GABBR2: variants seen among roughly 807,000 people sequenced by gnomAD.
GABBR2 encodes G-protein coupled receptor 51.
Under a neutral mutation model 105.6 loss-of-function variants are expected in GABBR2, and 23 were observed. That is an observed-to-expected ratio of 0.22 (90% CI 0.16 to 0.31). The LOEUF is 0.31. Among genes scored for constraint, GABBR2 ranks in the 10% least tolerant of loss-of-function variants. The probability of loss-of-function intolerance (pLI) is 1.00; values close to 1 mark genes in which losing one functional copy is unlikely to be tolerated. For synonymous variants in GABBR2, 478 were observed against 499.7 expected (o/e 0.96, Z 0.58); for missense variants, 734 against 1,245.5 (o/e 0.59, Z 6.18).
chr9:98,396,435 C>G (rs1277496974), intron 8 of GABBR2, among the ~76,000 whole-genome samples: 1 of 152,222 alleles, frequency 6.6e-6, no homozygotes, highest in African/African-American at 2.4e-5. Context: ...ATCCCCTGGG[C>G]CACACTTCTG....
At chr9:98,683,717 A>T (rs1830580260) in intron 1 of GABBR2, among the ~76,000 whole-genome samples, 1 of 152,004 alleles carries the variant, frequency 6.6e-6, no homozygotes, top group African/African-American at 2.4e-5. Flanking sequence ...CGACAACAGA[A>T]AATTAATCCA....
chr9:98,448,865 C>T (rs1381260962), intron 7 of GABBR2, among the ~76,000 whole-genome samples: 9 of 151,702 alleles, frequency 5.9e-5, no homozygotes, highest in Admixed American at 5.9e-4. Context: ...ATTTGTCGAC[C>T]TTGAGATCTG....
chr9:98,325,283 CTTTTT>C (rs886288539), intron 13 of GABBR2, among the ~76,000 whole-genome samples: 2 of 67,618 alleles, frequency 3.0e-5, no homozygotes, highest in African/African-American at 6.3e-5. Flanking sequence ...GACAGCAATT[CTTTTT>C]TTTTTTTTTT....
intron 1 of GABBR2, among the ~76,000 whole-genome samples, chr9:98,624,810 C>T (rs772559150): frequency 2.6e-5 from 4 of 152,080 alleles, no homozygotes; most frequent in Non-Finnish European, 5.9e-5. Context: ...GTAGGAGCCC[C>T]GAGCCCGGGG....
At chr9:98,310,574 A>C (rs1441907592) in intron 14 of GABBR2, among the ~76,000 whole-genome samples, 2 of 152,122 alleles carry the variant, frequency 1.3e-5, no homozygotes, top group Admixed American at 1.3e-4. Context: ...AAGATGAGTA[A>C]AGTGGAAAGA....
At chr9:98,436,191 CAGAA>C (rs1279194409) in intron 7 of GABBR2, among the ~76,000 whole-genome samples, 2 of 147,332 alleles carry the variant, frequency 1.4e-5, no homozygotes, top group Admixed American at 6.9e-5. Context: ...TTCCATGGCC[CAGAA>C]AGAGTGTTTT....
At chr9:98,627,826 A>G (rs1829761838) in intron 1 of GABBR2, among the ~76,000 whole-genome samples, 1 of 152,230 alleles carries the variant, frequency 6.6e-6, no homozygotes, top group Non-Finnish European at 1.5e-5. Context: ...TAGCGCCTCT[A>G]TTTGACCAAG....
At chr9:98,554,931 G>A (rs1828559438) in intron 2 of GABBR2, among the ~76,000 whole-genome samples, 2 of 152,286 alleles carry the variant, frequency 1.3e-5, no homozygotes, top group African/African-American at 2.4e-5. Flanking sequence ...TTTCAGTTTG[G>A]ACAGGCTGTG....
chr9:98,324,686 C>T (rs1053830318), intron 13 of GABBR2, among the ~76,000 whole-genome samples: 10 of 152,240 alleles, frequency 6.6e-5, no homozygotes, highest in South Asian at 4.2e-4. Context: ...CCACTGCTGG[C>T]GGTGTGTGGG....
At chr9:98,550,004 T>C (rs1324118613) in intron 2 of GABBR2, among the ~76,000 whole-genome samples, 1 of 152,180 alleles carries the variant, frequency 6.6e-6, no homozygotes, top group Non-Finnish European at 1.5e-5. Flanking sequence ...CTATGAGTGG[T>C]TGCCTTGAAG....
At chr9:98,471,888 CA>C (rs901791343) in intron 6 of GABBR2, among the ~76,000 whole-genome samples, 6 of 152,014 alleles carry the variant, frequency 3.9e-5, no homozygotes, top group African/African-American at 1.2e-4. Flanking sequence ...TTCAACATCT[CA>C]AAAAAATGTT....
At chr9:98,562,984 C>T (rs1588229782) in intron 2 of GABBR2, among the ~76,000 whole-genome samples, 1 of 139,522 alleles carries the variant, frequency 7.2e-6, no homozygotes, top group Admixed American at 8.1e-5. Context: ...GGGGGAGGAT[C>T]GCTTGAGCCC....
Position 98,311,345 on chromosome 9 carries a change from T to G in GABBR2, c.1894-140A>C, listed in dbSNP as rs933482739. 1.8e-5 allele frequency: 11 copies of G among 615,016 alleles called. No individual in the cohort carries two copies. The Admixed American group carries it at 3.1e-4, about 17-fold the overall frequency. 38.1% of individuals were successfully genotyped at this position (615,016 alleles called of 1,614,324 possible). ...GCAGGCCATTTGGACCCCATCTCTG[T>G]GTTCCTAAGGTGTGGAGCCCAGGCC... On this transcript the variant is annotated intron_variant, in intron 13 of 18. Transcript: ENST00000259455.
rs1249806771 is a variant in GABBR2 at position 98,288,568 on chromosome 9, A to G, written c.*2016T>C. 6.6e-6 allele frequency: 1 copy of G among 152,504 alleles called. No individual in the cohort carries two copies. Among genetic ancestry groups the G allele is most frequent in the Non-Finnish European group, 1.5e-5 (1 of 68,018 alleles). 9.4% of individuals were successfully genotyped at this position (152,504 alleles called of 1,614,324 possible). On this transcript the variant is annotated 3_prime_UTR_variant, in exon 19 of 19. Coordinates refer to ENST00000259455, the MANE Select transcript of GABBR2 (RefSeq NM_005458.8). ...TTTTGTGTGTGTGTATACATTATGT[A>G]CAATTAATTGTCTCTTTCCCTTTGA...
intron 3 of GABBR2, among the ~76,000 whole-genome samples, chr9:98,520,719 C>T (rs774785846): frequency 6.6e-5 from 10 of 152,168 alleles, no homozygotes; most frequent in Middle Eastern, 3.2e-3. Flanking sequence ...ACTTAAAGGG[C>T]ATAACTTTGG....
chr9:98,322,275 T>G (rs1367724300), intron 13 of GABBR2, among the ~76,000 whole-genome samples: 1 of 152,138 alleles, frequency 6.6e-6, no homozygotes, highest in East Asian at 1.9e-4. Flanking sequence ...GCCCACTGTC[T>G]GCCCAGGTGA....
intron 13 of GABBR2, among the ~76,000 whole-genome samples, chr9:98,317,802 G>A (rs889198440): frequency 1.3e-5 from 2 of 152,304 alleles, no homozygotes; most frequent in South Asian, 2.1e-4. Flanking sequence ...CCAGTGGAAC[G>A]GGGGCTGCTC....
intron 7 of GABBR2, among the ~76,000 whole-genome samples, chr9:98,449,569 G>A (rs1826196287): frequency 6.6e-6 from 1 of 152,162 alleles, no homozygotes; most frequent in Non-Finnish European, 1.5e-5. Flanking sequence ...TATGGGGTGG[G>A]GCCAGGGAAC....
intron 7 of GABBR2, among the ~76,000 whole-genome samples, chr9:98,421,094 C>G: frequency 6.6e-6 from 1 of 152,172 alleles, no homozygotes; most frequent in Non-Finnish European, 1.5e-5. Context: ...CGAGGTGTCC[C>G]AGGGTACTAG....
Sources: gnomAD v4.1 joint callset for allele counts (sites outside exome capture counted in the v4.1 genomes callset) on GRCh38, gnomAD v4.1.1 for gene constraint, MANE v1.5 for transcripts, NCBI Gene and HGNC (gene_info 2026-07-23, HGNC 2026-07-21) for gene names.